The following FAM168A variants were observed in gnomAD, a reference collection of about 807,000 sequenced individuals.
The protein encoded by FAM168A is family with sequence similarity 168 member A.
FAM168A carries 3 observed loss-of-function variants against 28.5 expected under a neutral mutation model. The ratio of observed to expected loss-of-function variants is 0.11; its 90% CI spans 0.05 to 0.27. The LOEUF is 0.27. FAM168A is among the 10% of genes least tolerant of loss of function. The pLI is 1.00. For synonymous variants in FAM168A, 122 were observed against 124.2 expected (o/e 0.98, Z 0.12); for missense variants, 222 against 311.5 (o/e 0.71, Z 2.16).
Position 73,430,708 on chromosome 11 carries a change from T to C in FAM168A, c.133A>G (p.Ser45Gly). ...TCCTTACCTGGAGCATAACTGGGACTATTGGTGGGGTACAGGCTGGGATTG... is the reference window on the plus strand; with the variant it reads ...TCCTTACCTGGAGCATAACTGGGACCATTGGTGGGGTACAGGCTGGGATTG... The part of the protein sequence containing the change: ...AYNPSLYPTN[S>G]PSYAPATLLM... Residue 45 changes from serine (S) to glycine (G), a missense_variant, in exon 3 of 8, where the codon AGT becomes GGT. Ser to Gly is a moderately conservative substitution (Grantham distance 56). Transcript: ENST00000356467. 6.2e-7 allele frequency: 1 copy of C among 1,613,778 alleles called. No homozygotes were observed. Among genetic ancestry groups the C allele is most frequent in the Non-Finnish European group, 8.5e-7 (1 of 1,179,822 alleles).
chr11:73,537,317 T>C (rs932333530), intron 1 of FAM168A, among the ~76,000 whole-genome samples: 2 of 152,040 alleles, frequency 1.3e-5, no homozygotes, highest in East Asian at 1.9e-4. Flanking sequence ...TCTTAGCAAT[T>C]TGGGAGGCCG....
At chr11:73,462,250 A>G (rs766512394) in intron 2 of FAM168A, among the ~76,000 whole-genome samples, 2 of 152,218 alleles carry the variant, frequency 1.3e-5, no homozygotes, top group Non-Finnish European at 2.9e-5. Context: ...GCATATACAT[A>G]AAACAGAATA....
intron 2 of FAM168A, among the ~76,000 whole-genome samples, chr11:73,459,795 A>G (rs781579510): frequency 3.7e-4 from 57 of 152,132 alleles, no homozygotes; most frequent in Non-Finnish European, 7.8e-4. Flanking sequence ...CTCAGTCTCC[A>G]TAAGACTCAA....
At chr11:73,553,367 T>A (rs1486038659) in intron 1 of FAM168A, among the ~76,000 whole-genome samples, 1 of 152,148 alleles carries the variant, frequency 6.6e-6, no homozygotes, top group African/African-American at 2.4e-5. Context: ...AGAAAGACCA[T>A]GACCAAATGA....
At chr11:73,502,939 A>T (rs1855039322) in intron 1 of FAM168A, among the ~76,000 whole-genome samples, 2 of 152,248 alleles carry the variant, frequency 1.3e-5, no homozygotes, top group South Asian at 4.1e-4. Flanking sequence ...GGCCTTTGAT[A>T]AAATTCAACA....
intron 4 of FAM168A, among the ~76,000 whole-genome samples, chr11:73,413,781 A>G (rs11235743): frequency 0.31 from 47,879 of 152,116 alleles, 9,773 homozygotes; most frequent in African/African-American, 0.58. Flanking sequence ...AAACAATAGG[A>G]TGGGCTGGAT....
intron 2 of FAM168A, among the ~76,000 whole-genome samples, chr11:73,466,908 G>A (rs948003309): frequency 6.6e-6 from 1 of 151,974 alleles, no homozygotes; most frequent in Admixed American, 6.6e-5. Context: ...GTGGGCCCTG[G>A]AACAGCCAAG....
chr11:73,504,970 CAG>C, intron 1 of FAM168A, among the ~76,000 whole-genome samples: 1 of 152,160 alleles, frequency 6.6e-6, no homozygotes, highest in South Asian at 2.1e-4. Context: ...CACATGGACA[CAG>C]AGAGGGGAAC....
chr11:73,432,012 G>A (rs1221495960), intron 2 of FAM168A, among the ~76,000 whole-genome samples: 1 of 152,130 alleles, frequency 6.6e-6, no homozygotes, highest in East Asian at 1.9e-4. Context: ...TTTTATGTAA[G>A]TGGAATCATA....
intron 1 of FAM168A, among the ~76,000 whole-genome samples, chr11:73,567,534 T>C (rs1345971894): frequency 6.6e-6 from 1 of 152,202 alleles, no homozygotes; most frequent in Non-Finnish European, 1.5e-5. Context: ...TGGAAGAAAC[T>C]GCTAATAGTA....
intron 1 of FAM168A, among the ~76,000 whole-genome samples, chr11:73,588,058 A>G (rs1309917483): frequency 6.6e-6 from 1 of 152,164 alleles, no homozygotes; most frequent in Non-Finnish European, 1.5e-5. Context: ...CCTCACATAA[A>G]GCATTTCTGC....
In FAM168A at chr11:73,501,538, G is replaced by A. The variant is rs148210366; in HGVS notation, c.-18-33046C>T. ...AATAGAACTTAGGATTAAGAAACTC[G>A]CTCAAAACCACACAATTTCATGGAA... On this transcript the variant is annotated intron_variant, in intron 1 of 7. Coordinates refer to ENST00000356467, the MANE Select transcript of FAM168A (RefSeq NM_015159.3). Among the ~76,000 whole-genome samples the A allele has an allele frequency of 2.6e-4, 39 of 152,178 alleles. 1 individual carries two copies. The East Asian group carries it at 4.4e-3, about 17-fold the overall frequency.
chr11:73,474,969 G>A (rs1867867671), intron 1 of FAM168A, among the ~76,000 whole-genome samples: 1 of 152,174 alleles, frequency 6.6e-6, no homozygotes, highest in South Asian at 2.1e-4. Context: ...GCAATGGTAA[G>A]GCCCAGCAGT....
intron 1 of FAM168A, among the ~76,000 whole-genome samples, chr11:73,517,790 T>C (rs1313962600): frequency 2.0e-5 from 3 of 152,196 alleles, no homozygotes; most frequent in East Asian, 1.9e-4. Flanking sequence ...GCAGATACTG[T>C]AGCTTTTTAA....
chr11:73,408,104 C>T (rs1000870184), intron 6 of FAM168A, among the ~76,000 whole-genome samples: 1 of 152,190 alleles, frequency 6.6e-6, no homozygotes, highest in African/African-American at 2.4e-5. Context: ...CTCCTGACCT[C>T]AAGTGATCCG....
intron 2 of FAM168A, among the ~76,000 whole-genome samples, chr11:73,437,826 G>T (rs7933274): frequency 0.062 from 9,418 of 152,048 alleles, 863 homozygotes; most frequent in African/African-American, 0.2. Flanking sequence ...CAGCTTGCTA[G>T]AGATATGAAG....
intron 1 of FAM168A, among the ~76,000 whole-genome samples, chr11:73,566,526 C>G (rs745417057): frequency 6.6e-5 from 10 of 152,118 alleles, no homozygotes; most frequent in Non-Finnish European, 7.3e-5. Context: ...TTGAAATAGC[C>G]CTTTTTAGGG....
chr11:73,560,170 C>A (rs1033751781), intron 1 of FAM168A, among the ~76,000 whole-genome samples: 1 of 152,006 alleles, frequency 6.6e-6, no homozygotes, highest in Admixed American at 6.5e-5. Flanking sequence ...CTCAAGCGAT[C>A]CTCCCAGCTC....
intron 1 of FAM168A, among the ~76,000 whole-genome samples, chr11:73,551,772 A>T (rs886542307): frequency 2.0e-5 from 3 of 152,256 alleles, no homozygotes. Flanking sequence ...TAGCTTTTTT[A>T]AAAAATATGA....
Sources: gnomAD v4.1 joint callset for allele counts (sites outside exome capture counted in the v4.1 genomes callset) on GRCh38, gnomAD v4.1.1 for gene constraint, MANE v1.5 for transcripts, NCBI Gene and HGNC (gene_info 2026-07-23, HGNC 2026-07-21) for gene names.